The following RPS6KA2 variants were observed in gnomAD, a reference collection of about 807,000 sequenced individuals.
The protein encoded by RPS6KA2 is ribosomal protein S6 kinase alpha-2.
A neutral mutation model predicts 91.8 loss-of-function variants in RPS6KA2; 42 were observed. That is an observed-to-expected ratio of 0.46 (90% CI 0.36 to 0.59). The LOEUF (loss-of-function observed/expected upper bound fraction) is 0.59, where lower values mean the gene tolerates loss of function less well. RPS6KA2 is among the 20% of genes least tolerant of loss of function. The pLI is 0.00. For synonymous variants in RPS6KA2, 414 were observed against 393.6 expected, an observed-to-expected ratio of 1.05 and a Z score of -0.61; for missense variants, 798 against 978.5, an observed-to-expected ratio of 0.82 and a Z score of 2.46.
At chr6:166,749,848 T>TCTCCTC (rs961689342) in intron 2 of RPS6KA2, among the ~76,000 whole-genome samples, 4 of 147,314 alleles carry the variant, frequency 2.7e-5, no homozygotes, top group South Asian at 2.2e-4. Context: ...GAGCCTGGCC[T>TCTCCTC]CTCCTCCTCC....
At position 166,525,198 on chromosome 6, in the gene RPS6KA2, C is replaced by T. The variant is rs187894100; in HGVS notation, c.298+6034G>A. On this transcript the variant is annotated intron_variant, in intron 3 of 20. Transcript: ENST00000265678. ...AACACATTCTTTTAAATCAAGTTCCCTTACAATACAAAGTGGGGATATTAC... is the reference window on the plus strand; with the variant it reads ...AACACATTCTTTTAAATCAAGTTCCTTTACAATACAAAGTGGGGATATTAC... 3.4e-3 allele frequency among the ~76,000 whole-genome samples: 522 copies of T among 152,294 alleles called. 5 individuals carry two copies. Among genetic ancestry groups the T allele is most frequent in the African/African-American group, 0.012 (493 of 41,560 alleles).
chr6:166,490,536 G>A lies in RPS6KA2; in HGVS notation c.818+135C>T. Reference sequence around the variant, plus strand: ...TTTTGTGTAAAACCAGTGACTTTTAGAAAACAGCTTACAATACTTTGGCAC... The same window carrying A: ...TTTTGTGTAAAACCAGTGACTTTTAAAAAACAGCTTACAATACTTTGGCAC... On this transcript the variant is annotated intron_variant, in intron 9 of 20. Transcript: ENST00000265678. This position sits in a 1 kb window ranked among gnomAD's most constrained non-coding sequence, Gnocchi z 4.2. 1.4e-6 allele frequency: 1 copy of A among 699,348 alleles called. No homozygotes were observed. Among genetic ancestry groups the A allele is most frequent in the Non-Finnish European group, 2.5e-6 (1 of 397,150 alleles). The allele number at this position is 699,348 out of a possible 1,614,324, so 43.3% of individuals were successfully genotyped here.
chr6:166,516,420 G>T (rs1782642990), intron 3 of RPS6KA2, among the ~76,000 whole-genome samples: 1 of 152,222 alleles, frequency 6.6e-6, no homozygotes, highest in African/African-American at 2.4e-5. Flanking sequence ...TCTGCAGGAA[G>T]CCAGGGGTGG....
chr6:166,698,913 G>A (rs1362535108), intron 2 of RPS6KA2, among the ~76,000 whole-genome samples: 3 of 152,154 alleles, frequency 2.0e-5, no homozygotes, highest in Admixed American at 6.5e-5. Flanking sequence ...TTAGAATGAC[G>A]GCTAATTTGG....
intron 2 of RPS6KA2, among the ~76,000 whole-genome samples, chr6:166,725,093 G>A (rs1283769309): frequency 1.3e-5 from 2 of 151,996 alleles, no homozygotes; most frequent in African/African-American, 2.4e-5. Context: ...ATAATCCCAC[G>A]TTCTTTGGCT....
chr6:166,645,405 G>A (rs1009856279), intron 2 of RPS6KA2, among the ~76,000 whole-genome samples: 4 of 152,220 alleles, frequency 2.6e-5, no homozygotes, highest in African/African-American at 9.6e-5. Context: ...ACTTGGGCTG[G>A]AGTTTCCGTT....
rs193025288 is a variant in RPS6KA2, at chr6:166,771,953, C to G, written c.123+86247G>C. ...GTGCCCATTCTCGCCTCAGCCTACA[C>G]CTCCTCTGTCCTCCAACACAGCTGA... On this transcript the variant is annotated intron_variant, in intron 2 of 21. Transcript: ENST00000503859. Among the ~76,000 whole-genome samples, 365 of 152,364 alleles carry G rather than the reference C, an allele frequency of 2.4e-3. 3 individuals carry two copies. Among genetic ancestry groups the G allele is most frequent in the African/African-American group, 8.2e-3 (342 of 41,580 alleles).
At chr6:166,452,161 G>A (rs1373001725) in intron 12 of RPS6KA2, among the ~76,000 whole-genome samples, 2 of 152,112 alleles carry the variant, frequency 1.3e-5, no homozygotes, top group Non-Finnish European at 2.9e-5. Flanking sequence ...GTTTGGCTGG[G>A]GGTGGACACT....
Position 166,434,424 on chromosome 6 carries a change from T to C in RPS6KA2, c.1333-1934A>G, listed in dbSNP as rs1779229332. Among the ~76,000 whole-genome samples, 1 of 152,206 alleles carries C rather than the reference T, an allele frequency of 6.6e-6. No individual in the cohort carries two copies. On this transcript the variant is annotated intron_variant, in intron 14 of 20. Coordinates refer to ENST00000265678, the MANE Select transcript of RPS6KA2 (RefSeq NM_021135.6). This position sits in a 1 kb window ranked among gnomAD's most constrained non-coding sequence, Gnocchi z 4.4. ...ATGCATCATTCTCAAGTAGAGACTTTTAAAACGATCATTCAAGGAGGGGTG... is the reference window on the plus strand; with the variant it reads ...ATGCATCATTCTCAAGTAGAGACTTCTAAAACGATCATTCAAGGAGGGGTG...
intron 3 of RPS6KA2, among the ~76,000 whole-genome samples, chr6:166,526,488 G>A (rs1783044339): frequency 6.6e-6 from 1 of 151,742 alleles, no homozygotes. Context: ...TGGGAATACA[G>A]GTGTGCGCCA....
intron 1 of RPS6KA2, among the ~76,000 whole-genome samples, chr6:166,860,488 C>A (rs1248366680): frequency 2.0e-5 from 3 of 152,180 alleles, no homozygotes; most frequent in Non-Finnish European, 4.4e-5. Context: ...CATTGCTGAT[C>A]CATTTATGAG....
rs1273807778 is a variant in RPS6KA2 at position 166,648,830 on chromosome 6, A to G, written c.124-110046T>C. Among the ~76,000 whole-genome samples the G allele has an allele frequency of 6.6e-6, 1 of 152,042 alleles. No individual in the cohort carries two copies. The highest frequency in any genetic ancestry group is 1.5e-5 in the Non-Finnish European group (1 of 68,022). On this transcript the variant is annotated intron_variant, in intron 2 of 21. Coordinates refer to the RPS6KA2 transcript ENST00000503859. The surrounding 1 kb of genome is among the most constrained non-coding windows in gnomAD (Gnocchi z 4.8). ...TCAAAACATCGGTGCCTGGCACAGGAAGCATCTCATTCTGTCTCTCCTCAC... is the reference window on the plus strand; with the variant it reads ...TCAAAACATCGGTGCCTGGCACAGGGAGCATCTCATTCTGTCTCTCCTCAC...
chr6:166,532,415 G>C (rs1009322420), intron 2 of RPS6KA2, among the ~76,000 whole-genome samples: 4 of 152,186 alleles, frequency 2.6e-5, no homozygotes, highest in Admixed American at 1.3e-4. Flanking sequence ...ACCAACCAGC[G>C]TCTATTCTAG....
At chr6:166,582,966 C>T (rs905998867) in intron 1 of RPS6KA2, among the ~76,000 whole-genome samples, 7 of 152,174 alleles carry the variant, frequency 4.6e-5, no homozygotes, top group South Asian at 2.1e-4. Context: ...TTTTTACCTT[C>T]CACATTTTCT....
At chr6:166,641,821 A>G (rs1025186611) in intron 2 of RPS6KA2, among the ~76,000 whole-genome samples, 3 of 149,188 alleles carry the variant, frequency 2.0e-5, no homozygotes, top group African/African-American at 7.3e-5. Flanking sequence ...TTGGTAAAAG[A>G]GACGTTGGAT....
At chr6:166,452,411 G>T (rs1779946694) in intron 12 of RPS6KA2, among the ~76,000 whole-genome samples, 1 of 152,044 alleles carries the variant, frequency 6.6e-6, no homozygotes, top group South Asian at 2.1e-4. Context: ...GCAATCTACA[G>T]ATTCAATGCA....
chr6:166,854,771 C>A lies in RPS6KA2; in HGVS notation c.123+3429G>T, dbSNP rs371320526. On this transcript the variant is annotated intron_variant, in intron 2 of 21. Coordinates refer to the RPS6KA2 transcript ENST00000503859. ...GGAATGTAAATCAGCACAACCTCTA[C>A]AAAAGACATATGAAAACTTTTCAGA... is the stretch of plus-strand genomic sequence containing the variant. Among the ~76,000 whole-genome samples the A allele has an allele frequency of 5.9e-5, 9 of 152,298 alleles. No individual in the cohort carries two copies. In the South Asian group the frequency reaches 1.5e-3, roughly 25 times the overall value.
chr6:166,458,164 C>T (rs1052055549), intron 12 of RPS6KA2, among the ~76,000 whole-genome samples: 2 of 152,190 alleles, frequency 1.3e-5, no homozygotes, highest in African/African-American at 4.8e-5. Context: ...TGTGTCCCCA[C>T]CCAAATCTCA....
intron 1 of RPS6KA2, among the ~76,000 whole-genome samples, chr6:166,542,776 C>T (rs1024567891): frequency 3.3e-5 from 5 of 152,116 alleles, no homozygotes; most frequent in Admixed American, 2.6e-4. Context: ...GGGCCAAAGT[C>T]GCCTTCTTAG....
Sources: allele counts gnomAD v4.1 joint callset (sites outside exome capture counted in the v4.1 genomes callset), GRCh38; gene constraint gnomAD v4.1.1; non-coding constraint Gnocchi (gnomAD v3.1); transcripts MANE v1.5; gene names NCBI Gene and HGNC (gene_info 2026-07-23, HGNC 2026-07-21).